Variants in MORC4 observed in about 807,000 individuals in gnomAD.
MORC4 encodes the protein MORC family CW-type zinc finger 4.
MORC4 carries 22 observed loss-of-function variants against 65.5 expected under a neutral mutation model. The ratio of observed to expected loss-of-function variants is 0.34; its 90% CI spans 0.24 to 0.48. The LOEUF (loss-of-function observed/expected upper bound fraction) is 0.48. MORC4 is among the 20% of genes least tolerant of loss of function. MORC4 has a pLI of 0.99. For missense variants in MORC4, 624 were observed against 703.0 expected (o/e 0.89, Z 1.27); for synonymous variants, 267 against 255.8 (o/e 1.04, Z -0.42).
chrX:106,961,046 G>T (rs1185568367), intron 10 of MORC4, among the ~76,000 whole-genome samples: 2 of 111,437 alleles, frequency 1.8e-5, no homozygotes, highest in South Asian at 3.8e-4. Context: ...CTGTCTTAGA[G>T]TCAATAAATT....
At chrX:106,961,172 A>T (rs1934234248) in intron 10 of MORC4, among the ~76,000 whole-genome samples, 1 of 112,240 alleles carries the variant, frequency 8.9e-6, no homozygotes, top group Non-Finnish European at 1.9e-5. Flanking sequence ...ATGTCTGAAC[A>T]CCTACTATAT....
intron 10 of MORC4, among the ~76,000 whole-genome samples, chrX:106,960,969 G>A (rs1341883922): frequency 1.8e-5 from 2 of 111,865 alleles, no homozygotes; most frequent in Admixed American, 9.5e-5. Flanking sequence ...CTTGATGGTG[G>A]TGTAACTGAC....
At chrX:106,984,261 G>A (rs1934811770) in intron 5 of MORC4, among the ~76,000 whole-genome samples, 1 of 108,018 alleles carries the variant, frequency 9.3e-6, no homozygotes, top group Admixed American at 9.9e-5. Context: ...ACTCCAGCCT[G>A]GGCAAGAGAG....
In MORC4 at chrX:106,943,075, G is replaced by A. The variant is rs760479375; in HGVS notation, c.1816C>T (p.Pro606Ser). The change falls in exon 15 of 17, where the codon CCA (proline) becomes TCA (serine). Residue 606 changes from proline to serine, a missense_variant. Pro to Ser is a moderately conservative substitution (Grantham distance 74, BLOSUM62 -1). Coordinates refer to ENST00000355610, the MANE Select transcript of MORC4 (RefSeq NM_024657.5). ...YRRVEAPVAY[P>S]EGENSHDKSS... is the part of the protein sequence containing the mutation. Reference sequence around the variant, plus strand: ...TTATCATGGCTGTTCTCCCCTTCTGGGTAGGCAACAGGTGCTTCTACCCTC... The same window carrying A: ...TTATCATGGCTGTTCTCCCCTTCTGAGTAGGCAACAGGTGCTTCTACCCTC... 1 of 1,210,940 alleles carries A rather than the reference G, an allele frequency of 8.3e-7. No homozygotes were observed. The highest frequency in any genetic ancestry group is 1.7e-5 in the African/African-American group (1 of 57,601).
intron 8 of MORC4, among the ~76,000 whole-genome samples, 165 bp from the exon 9 acceptor site, chrX:106,976,849 C>A (rs368872897): frequency 3.1e-4 from 35 of 111,476 alleles, no homozygotes; most frequent in African/African-American, 1.1e-3. Flanking sequence ...AGACTGCAAG[C>A]ATTAAACTGA....
At chrX:106,950,075 C>T (rs760526047) in intron 14 of MORC4, among the ~76,000 whole-genome samples, 34 of 111,938 alleles carry the variant, frequency 3.0e-4, no homozygotes, top group Non-Finnish European at 5.8e-4. Flanking sequence ...AGCTTGAGGA[C>T]GGCTTTCAAG....
chrX:106,951,171 CTTGT>C (rs982363230), intron 14 of MORC4, among the ~76,000 whole-genome samples: 15 of 111,214 alleles, frequency 1.3e-4, no homozygotes, highest in South Asian at 3.8e-4. Context: ...ATTTCTACCC[CTTGT>C]TTGTTATTTC....
chrX:106,974,810 A>C (rs1263112743), intron 9 of MORC4, among the ~76,000 whole-genome samples: 1 of 111,571 alleles, frequency 9.0e-6, no homozygotes, highest in Non-Finnish European at 1.9e-5. Flanking sequence ...TCCCTCTCTT[A>C]AATTCCTTTT....
chrX:106,974,719 G>A (rs1325364906), intron 9 of MORC4, among the ~76,000 whole-genome samples: 1 of 111,542 alleles, frequency 9.0e-6, no homozygotes, highest in Non-Finnish European at 1.9e-5. Flanking sequence ...TATGATGGCT[G>A]GTATCTCTTT....
rs183179308 is a variant in MORC4 at position 106,969,294 on chromosome X, C to T, written c.1158-7184G>A. 4.8e-3 allele frequency among the ~76,000 whole-genome samples: 538 copies of T among 111,814 alleles called. 2 individuals are homozygous for T. The highest frequency in any genetic ancestry group is 7.0e-3 in the Non-Finnish European group (370 of 53,160). Reference sequence around the variant, plus strand: ...GAAACCAATGAGAACAAAGACACAACGTACCAGAATCTCTGGGACACATTT... The same window carrying T: ...GAAACCAATGAGAACAAAGACACAATGTACCAGAATCTCTGGGACACATTT... On this transcript the variant is annotated intron_variant, in intron 9 of 16. Coordinates refer to ENST00000355610, the MANE Select transcript of MORC4 (RefSeq NM_024657.5).
intron 2 of MORC4, among the ~76,000 whole-genome samples, chrX:106,993,657 T>C (rs1042118689): frequency 2.7e-5 from 3 of 112,096 alleles, no homozygotes; most frequent in African/African-American, 9.7e-5. Flanking sequence ...ACTACTCCCA[T>C]ATACAAAGCA....
At chrX:106,962,591 A>G (rs1247543431) in intron 9 of MORC4, among the ~76,000 whole-genome samples, 1 of 111,696 alleles carries the variant, frequency 9.0e-6, no homozygotes, top group Non-Finnish European at 1.9e-5. Context: ...ATTAACTCTA[A>G]TATGTCTATA....
chrX:106,984,529 C>T (rs1464472980), intron 5 of MORC4, among the ~76,000 whole-genome samples: 13 of 88,934 alleles, frequency 1.5e-4, no homozygotes, highest in Admixed American at 2.8e-4. Context: ...AGTGCAGAGG[C>T]GCGATCTCTG....
intron 2 of MORC4, among the ~76,000 whole-genome samples, chrX:106,997,516 G>T (rs1462936676): frequency 9.0e-6 from 1 of 111,589 alleles, no homozygotes; most frequent in Non-Finnish European, 1.9e-5. Context: ...TTAGTATCTG[G>T]CGTAAAAAGG....
intron 3 of MORC4, among the ~76,000 whole-genome samples, chrX:106,987,999 T>C (rs1934906505): frequency 9.0e-6 from 1 of 111,641 alleles, no homozygotes; most frequent in African/African-American, 3.2e-5. Flanking sequence ...AAAAAATGGG[T>C]TTGTTATGAG....
intron 9 of MORC4, among the ~76,000 whole-genome samples, chrX:106,972,090 T>G (rs1384484305): frequency 1.8e-5 from 2 of 112,178 alleles, no homozygotes; most frequent in Non-Finnish European, 3.8e-5. Flanking sequence ...AATGATAGAC[T>G]GGATTAAGAA....
At chrX:106,976,938 T>G (rs1431026986) in intron 8 of MORC4, among the ~76,000 whole-genome samples, 1 of 111,428 alleles carries the variant, frequency 9.0e-6, no homozygotes, top group Non-Finnish European at 1.9e-5. Flanking sequence ...CTGCAATTAG[T>G]AGCCATCTCT....
intron 13 of MORC4, among the ~76,000 whole-genome samples, chrX:106,955,973 G>A (rs1341620050): frequency 9.0e-6 from 1 of 111,339 alleles, no homozygotes; most frequent in Non-Finnish European, 1.9e-5. Flanking sequence ...ACCCTTCAGC[G>A]TCCGGAGCTG....
chrX:106,941,647 G>A lies in MORC4; in HGVS notation c.2661-15C>T. 8.3e-7 allele frequency: 1 copy of A among 1,201,789 alleles called. No homozygotes were observed. The highest frequency in any genetic ancestry group is 1.1e-6 in the Non-Finnish European group (1 of 889,666). ...TTGCCAAAGCCCTGTATGAAGGAGT[G>A]AGGGGGCAGGAGAAGAGATGACATG... On this transcript the variant is annotated splice_polypyrimidine_tract_variant and intron_variant, in intron 16 of 16. Coordinates refer to ENST00000355610, the MANE Select transcript of MORC4 (RefSeq NM_024657.5).
Sources: allele counts gnomAD v4.1 joint callset (sites outside exome capture counted in the v4.1 genomes callset), GRCh38; gene constraint gnomAD v4.1.1; transcripts MANE v1.5; gene names NCBI Gene and HGNC (gene_info 2026-07-23, HGNC 2026-07-21).